The following ANXA10 variants were observed in gnomAD, a reference collection of about 807,000 sequenced individuals.
ANXA10 encodes the protein annexin 14.
ANXA10 carries 49 observed loss-of-function variants against 53.5 expected under a neutral mutation model. That is an observed-to-expected ratio of 0.92 (90% confidence interval 0.73 to 1.16). ANXA10 has a LOEUF of 1.16. Ranked by LOEUF, ANXA10 falls within the 50% of genes most tolerant of loss-of-function variation. The pLI, the probability that ANXA10 is intolerant of heterozygous loss-of-function variation, is 0.00. For missense variants in ANXA10, 393 were observed against 394.4 expected (o/e 1.00, Z 0.03); for synonymous variants, 131 against 128.9 (o/e 1.02, Z -0.11).
chr4:168,129,375 T>C (rs1731123495), intron 2 of ANXA10, among the ~76,000 whole-genome samples: 1 of 152,188 alleles, frequency 6.6e-6, no homozygotes, highest in Non-Finnish European at 1.5e-5. Context: ...AGTGCAATTT[T>C]TGCTTTAAAA....
chr4:168,110,843 G>T (rs1730796769), intron 1 of ANXA10, among the ~76,000 whole-genome samples: 1 of 152,088 alleles, frequency 6.6e-6, no homozygotes, highest in South Asian at 2.1e-4. Flanking sequence ...GTAAAAATCT[G>T]CTGGGAATAG....
chr4:168,118,860 AT>A (rs1730940727), intron 1 of ANXA10, among the ~76,000 whole-genome samples: 1 of 152,140 alleles, frequency 6.6e-6, no homozygotes, highest in Non-Finnish European at 1.5e-5. Flanking sequence ...AGCAAAAGTT[AT>A]TATTCATGTT....
intron 1 of ANXA10, among the ~76,000 whole-genome samples, chr4:168,114,609 A>G (rs1730862984): frequency 6.6e-6 from 1 of 152,130 alleles, no homozygotes; most frequent in African/African-American, 2.4e-5. Context: ...ATTGTACCTA[A>G]TAGTTGTTTT....
At position 168,184,637 on chromosome 4, in the gene ANXA10, C is replaced by T. The variant is rs1192134579; in HGVS notation, c.862C>T (p.Arg288Ter). Residue 288 changes from arginine (R) to a stop codon, truncating the protein, a stop_gained, in exon 11 of 12, where the codon CGA becomes TGA. Transcript: ENST00000359299. LOFTEE classifies it high-confidence loss of function. ...AATAGACCTGCTGACCATAAGGAAA[C>T]GATACAAAGAGCGATATGGAAAATC... ...SEIDLLTIRK[R>*]YKERYGKSLF... The T allele has an allele frequency of 1.2e-6, 2 of 1,613,784 alleles. No individual in the cohort carries two copies. The highest frequency in any genetic ancestry group is 1.6e-4 in the Middle Eastern group (1 of 6,082).
intron 1 of ANXA10, among the ~76,000 whole-genome samples, chr4:168,114,488 C>T (rs1220217478): frequency 6.6e-6 from 1 of 152,192 alleles, no homozygotes; most frequent in African/African-American, 2.4e-5. Context: ...GCAGCCAGCA[C>T]ATGTATAGTG....
chr4:168,096,926 A>ATATATATGTATATATATATATATATG (rs371811709), intron 1 of ANXA10, among the ~76,000 whole-genome samples: 2 of 129,902 alleles, frequency 1.5e-5, no homozygotes, highest in South Asian at 2.3e-4. Flanking sequence ...ATATATATAT[A>ATATATATGTATATATATATATATATG]TATGTATGTA....
rs1366210222 is a variant in ANXA10, at chr4:168,177,725, G to A, written c.481-15G>A. On this transcript the variant is annotated splice_polypyrimidine_tract_variant and intron_variant, in intron 6 of 11. Transcript: ENST00000359299. ...CTAAGAACATTTACATGGAAAACCTGTGCTTACTTTACAGGGGACCAGAGA... is the reference window on the plus strand; with the variant it reads ...CTAAGAACATTTACATGGAAAACCTATGCTTACTTTACAGGGGACCAGAGA... The A allele has an allele frequency of 6.2e-7, 1 of 1,613,978 alleles. No individual in the cohort carries two copies. The highest frequency in any genetic ancestry group is 8.5e-7 in the Non-Finnish European group (1 of 1,179,866).
At chr4:168,139,452 A>T (rs1285634492) in intron 2 of ANXA10, 34 bp from the exon 3 acceptor site, 2 of 1,581,440 alleles carry the variant, frequency 1.3e-6, no homozygotes, top group Non-Finnish European at 1.7e-6. Context: ...CAAAGTAGCA[A>T]CTTTACTAAT....
intron 1 of ANXA10, among the ~76,000 whole-genome samples, chr4:168,125,979 A>G (rs1029780448): frequency 1.3e-5 from 2 of 152,234 alleles, no homozygotes; most frequent in African/African-American, 4.8e-5. Flanking sequence ...TTTGGCTTAG[A>G]CAAGTTATAC....
chr4:168,113,482 T>C (rs555082418), intron 1 of ANXA10, among the ~76,000 whole-genome samples: 2 of 152,248 alleles, frequency 1.3e-5, no homozygotes, highest in Non-Finnish European at 2.9e-5. Flanking sequence ...GAGTCCAGTC[T>C]GCTTCCACAA....
At chr4:168,183,908 C>T (rs889367898) in intron 10 of ANXA10, among the ~76,000 whole-genome samples, 1 of 152,030 alleles carries the variant, frequency 6.6e-6, no homozygotes, top group African/African-American at 2.4e-5. Context: ...CTAGATGTCA[C>T]GATTACTCTG....
intron 8 of ANXA10, among the ~76,000 whole-genome samples, chr4:168,178,767 A>G (rs1160083936): frequency 6.6e-6 from 1 of 152,216 alleles, no homozygotes; most frequent in African/African-American, 2.4e-5. Flanking sequence ...AGTTGATTTC[A>G]TATTTCTCAG....
At chr4:168,151,046 TG>T (rs1240917484) in intron 3 of ANXA10, among the ~76,000 whole-genome samples, 1 of 152,186 alleles carries the variant, frequency 6.6e-6, no homozygotes, top group Non-Finnish European at 1.5e-5. Context: ...AAGATTGCTC[TG>T]GGGCCCCCTT....
intron 1 of ANXA10, among the ~76,000 whole-genome samples, chr4:168,120,611 C>A (rs537908454): frequency 6.6e-6 from 1 of 151,832 alleles, no homozygotes; most frequent in African/African-American, 2.4e-5. Flanking sequence ...TAATAAAATA[C>A]CTAACAACGT....
chr4:168,154,010 A>ACG (rs1332972319), intron 3 of ANXA10, among the ~76,000 whole-genome samples: 53 of 151,056 alleles, frequency 3.5e-4, no homozygotes, highest in African/African-American at 1.2e-3. Context: ...ACACGCACAC[A>ACG]CGCGCGCGCG....
chr4:168,176,180 C>T (rs1371453807), intron 6 of ANXA10, among the ~76,000 whole-genome samples: 1 of 152,154 alleles, frequency 6.6e-6, no homozygotes, highest in Non-Finnish European at 1.5e-5. Flanking sequence ...TGCATTTTGG[C>T]TGATCTTGAC....
intron 1 of ANXA10, among the ~76,000 whole-genome samples, chr4:168,112,838 T>C (rs541891405): frequency 8.7e-4 from 132 of 152,202 alleles, no homozygotes; most frequent in Middle Eastern, 3.4e-3. Context: ...CTGACCAGCA[T>C]GATGAAATCC....
At chr4:168,153,491 A>G (rs957845575) in intron 3 of ANXA10, among the ~76,000 whole-genome samples, 4 of 119,392 alleles carry the variant, frequency 3.4e-5, no homozygotes, top group African/African-American at 1.3e-4. Context: ...CAACAAAATA[A>G]GACAGGTTGG....
At chr4:168,180,933 G>A (rs2149481538) in intron 9 of ANXA10, among the ~76,000 whole-genome samples, 1 of 152,220 alleles carries the variant, frequency 6.6e-6, no homozygotes, top group African/African-American at 2.4e-5. Flanking sequence ...GTCTAGACCA[G>A]TTGTGGTCCA....
Sources: gnomAD v4.1 joint callset for allele counts (sites outside exome capture counted in the v4.1 genomes callset) on GRCh38, gnomAD v4.1.1 for gene constraint, MANE v1.5 for transcripts, NCBI Gene and HGNC (gene_info 2026-07-23, HGNC 2026-07-21) for gene names.